CEP164: variants seen among roughly 807,000 people sequenced by gnomAD.
CEP164 encodes the protein centrosomal protein 164.
In CEP164, 162 loss-of-function variants were observed where a neutral mutation model predicts 182.7. The ratio of observed to expected loss-of-function variants is 0.89; its 90% CI spans 0.78 to 1.01. The LOEUF (loss-of-function observed/expected upper bound fraction) is 1.01, where lower values mean the gene tolerates loss of function less well. Among genes scored for constraint, CEP164 ranks in the 50% least tolerant of loss-of-function variants. CEP164 has a pLI of 0.00. For synonymous variants in CEP164, 661 were observed against 690.0 expected (o/e 0.96, Z 0.66); for missense variants, 1,735 against 1,790.4 (o/e 0.97, Z 0.56).
chr11:117,350,763 C>G (rs1262314544), intron 4 of CEP164, among the ~76,000 whole-genome samples: 1 of 151,912 alleles, frequency 6.6e-6, no homozygotes, highest in East Asian at 1.9e-4. Flanking sequence ...TACTGAATGC[C>G]TCTCCAGTGG....
chr11:117,410,102 A>G (rs754395516), intron 30 of CEP164, 137 bp downstream of exon 30: 2 of 819,630 alleles, frequency 2.4e-6, no homozygotes, highest in Non-Finnish European at 4.1e-6. Flanking sequence ...TCCTCCCCCA[A>G]CGTTACCATA....
At chr11:117,354,229 G>T (rs533470122) in intron 5 of CEP164, among the ~76,000 whole-genome samples, 130 of 152,118 alleles carry the variant, frequency 8.5e-4, no homozygotes, top group African/African-American at 3.0e-3. Context: ...TGATGGCCAG[G>T]CTGGTCTCGA....
In CEP164 at chr11:117,410,046, T is replaced by C. The variant is rs111597300; in HGVS notation, c.4096+81T>C. On this transcript the variant is annotated intron_variant, in intron 30 of 32. Transcript: ENST00000278935. ...TCCTTTTCTTCTACCCTCTTTCTCC[T>C]GCTCCTTTTCTCCTCTTCCTCTTTT... 1,977 of 1,315,718 alleles carry C rather than the reference T, an allele frequency of 1.5e-3. 28 individuals carry two copies. The African/African-American group carries it at 0.026, about 17-fold the overall frequency. 81.5% of individuals were successfully genotyped at this position (1,315,718 alleles called of 1,614,324 possible). A position where few individuals can be genotyped will look rare whatever the true frequency, so the allele number is the denominator to read the frequency against.
rs752057385 is a variant in CEP164 at position 117,409,792 on chromosome 11, G to T, written c.3923G>T (p.Ser1308Ile). ...CAGCTCCCTCCCCGGGACCCTAAGA[G>T]CACCCCCACCCCCACCTACTATGGC... ...PAQLPPRDPK[S>I]TPTPTYYGSL... The change falls in exon 30 of 33, where the codon AGC becomes ATC. Residue 1308 changes from serine (S) to isoleucine (I), a missense_variant. Physicochemically the swap from Ser to Ile is moderately radical, Grantham distance 142. Coordinates refer to ENST00000278935, the MANE Select transcript of CEP164 (RefSeq NM_014956.5). The surrounding 1 kb of genome is among the most constrained non-coding windows in gnomAD (Gnocchi z 4.4). 9 of 1,612,938 alleles carry T rather than the reference G, an allele frequency of 5.6e-6. No homozygotes were observed. The highest frequency in any genetic ancestry group is 7.6e-6 in the Non-Finnish European group (9 of 1,179,366).
At chr11:117,347,052 T>G (rs1224016165) in intron 4 of CEP164, among the ~76,000 whole-genome samples, 1 of 152,182 alleles carries the variant, frequency 6.6e-6, no homozygotes. Flanking sequence ...CATAAGCACT[T>G]TATTATATAC....
intron 30 of CEP164, chr11:117,410,193 G>A (rs2047190111): frequency 1.6e-6 from 1 of 641,926 alleles, no homozygotes; most frequent in Non-Finnish European, 2.8e-6. Flanking sequence ...GAGTTCTATG[G>A]GTTGGGACGG....
chr11:117,412,814 CTG>C lies in CEP164; in HGVS notation c.*650_*651del, dbSNP rs1327848731. 1 of 152,638 alleles carries C rather than the reference CTG, an allele frequency of 6.6e-6. No individual in the cohort carries two copies. Among genetic ancestry groups the C allele is most frequent in the African/African-American group, 2.4e-5 (1 of 41,408 alleles). 9.5% of individuals were successfully genotyped at this position (152,638 alleles called of 1,614,324 possible). On this transcript the variant is annotated 3_prime_UTR_variant, in exon 33 of 33. Coordinates refer to ENST00000278935, the MANE Select transcript of CEP164 (RefSeq NM_014956.5). ...GCTGGGGGCTGTCCCTCTGCAGGCACTGTGTTTTCCTCAGGGGCTGTCCTCAG... is the reference window on the plus strand; with the variant it reads ...GCTGGGGGCTGTCCCTCTGCAGGCACTGTTTTCCTCAGGGGCTGTCCTCAG...
At chr11:117,356,453 C>A in intron 5 of CEP164, 1 of 1,268,768 alleles carries the variant, frequency 7.9e-7, no homozygotes, top group South Asian at 1.3e-5. Context: ...GGAGCCAGAG[C>A]TGCTGGAACA....
At chr11:117,370,372 A>G (rs2042083303) in intron 8 of CEP164, among the ~76,000 whole-genome samples, 1 of 152,252 alleles carries the variant, frequency 6.6e-6, no homozygotes. Flanking sequence ...TTTCTGTCAC[A>G]TGATGTTCCA....
chr11:117,328,820 C>T (rs183844931), intron 1 of CEP164, among the ~76,000 whole-genome samples: 3 of 152,310 alleles, frequency 2.0e-5, no homozygotes, highest in Non-Finnish European at 2.9e-5. Context: ...GGTGGGGCTG[C>T]CTATTGGACG....
upstream of CEP164, among the ~76,000 whole-genome samples, chr11:117,326,366 G>C (rs1320101600): frequency 6.6e-6 from 1 of 152,112 alleles, no homozygotes; most frequent in East Asian, 1.9e-4. Context: ...CTGAGCAGCT[G>C]GGACTACAGG....
intron 6 of CEP164, 138 bp from the exon 7 acceptor site, chr11:117,362,266 C>T (rs2088485485): frequency 2.1e-6 from 2 of 938,744 alleles, no homozygotes; most frequent in Admixed American, 5.3e-5. Context: ...ATGTGAGCTG[C>T]AGTCGCCAGG....
intron 5 of CEP164, among the ~76,000 whole-genome samples, chr11:117,352,223 C>T (rs1391305803): frequency 6.6e-6 from 1 of 152,068 alleles, no homozygotes. Context: ...TTGGGAAGTG[C>T]ATGTTACCTA....
At position 117,408,971 on chromosome 11, in the gene CEP164, A is replaced by T; in HGVS notation, c.3691A>T (p.Ser1231Cys). The change falls in exon 29 of 33, where the codon AGT (serine) becomes TGT (cysteine). Residue 1231 changes from serine (S) to cysteine (C), a missense_variant. Transcript: ENST00000278935. Reference sequence around the variant, plus strand: ...CCTCAGTGACATGGACAGCCTGAGCAGTGAAAGTTCTGAATCTTTTTCCCC... The same window carrying T: ...CCTCAGTGACATGGACAGCCTGAGCTGTGAAAGTTCTGAATCTTTTTCCCC... ...FDLSDMDSLSSESSESFSPPH... is the reference protein window; with the variant it reads ...FDLSDMDSLSCESSESFSPPH... 1 of 1,614,130 alleles carries T rather than the reference A, an allele frequency of 6.2e-7. No individual in the cohort carries two copies. Among genetic ancestry groups the T allele is most frequent in the Non-Finnish European group, 8.5e-7 (1 of 1,180,000 alleles).
chr11:117,369,473 C>G (rs1407610441), intron 8 of CEP164, among the ~76,000 whole-genome samples: 6 of 152,196 alleles, frequency 3.9e-5, no homozygotes, highest in Non-Finnish European at 7.4e-5. Flanking sequence ...GTAATCATCC[C>G]TAGGAAGCCT....
chr11:117,397,593 A>G (rs2045643796), intron 27 of CEP164, among the ~76,000 whole-genome samples: 1 of 152,230 alleles, frequency 6.6e-6, no homozygotes, highest in Non-Finnish European at 1.5e-5. Context: ...TTGAACTTAC[A>G]GTTCCACATG....
intron 3 of CEP164, among the ~76,000 whole-genome samples, chr11:117,342,873 TTTTG>T (rs770715285): frequency 5.9e-5 from 9 of 152,076 alleles, no homozygotes; most frequent in East Asian, 5.8e-4. Flanking sequence ...ACAACAAAAT[TTTTG>T]TTTGTTTGTT....
intron 28 of CEP164, 102 bp from the exon 29 acceptor site, chr11:117,408,784 TAAAG>T (rs1565633743): frequency 7.0e-7 from 1 of 1,428,664 alleles, no homozygotes; most frequent in Non-Finnish European, 9.5e-7. Flanking sequence ...AGACAAAACA[TAAAG>T]AAGAACCTAG....
intron 8 of CEP164, among the ~76,000 whole-genome samples, chr11:117,366,154 G>A (rs1432999113): frequency 6.6e-6 from 1 of 151,976 alleles, no homozygotes; most frequent in Non-Finnish European, 1.5e-5. Context: ...TGTTAGTGGT[G>A]GGGGTAAATG....
Sources: gnomAD v4.1 joint callset for allele counts (sites outside exome capture counted in the v4.1 genomes callset) on GRCh38, gnomAD v4.1.1 for gene constraint, Gnocchi (gnomAD v3.1) non-coding constraint, MANE v1.5 for transcripts, NCBI Gene and HGNC (gene_info 2026-07-23, HGNC 2026-07-21) for gene names.